Variants in PSMB7 observed in about 807,000 individuals in gnomAD.
PSMB7 encodes the protein proteasome subunit beta type-7.
PSMB7 carries 5 observed loss-of-function variants against 28.1 expected under a neutral mutation model. That is an observed-to-expected ratio of 0.18 (90% CI 0.09 to 0.37). PSMB7 has a LOEUF of 0.37. Ranked by LOEUF, PSMB7 falls within the 10% of genes least tolerant of loss-of-function variation. PSMB7 has a pLI of 1.00. For missense variants in PSMB7, 275 were observed against 346.2 expected (o/e 0.79, Z 1.63); for synonymous variants, 122 against 123.7 (o/e 0.99, Z 0.09).
chr9:124,381,100 C>A (rs1215792639), intron 6 of PSMB7, among the ~76,000 whole-genome samples: 2 of 152,156 alleles, frequency 1.3e-5, no homozygotes, highest in African/African-American at 4.8e-5. Flanking sequence ...CACTTACAGA[C>A]CCTCTCAACT....
chr9:124,387,504 C>A (rs1233543937), intron 5 of PSMB7, among the ~76,000 whole-genome samples: 1 of 150,096 alleles, frequency 6.7e-6, no homozygotes, highest in African/African-American at 2.5e-5. Flanking sequence ...CACACACACT[C>A]TCTCTCTCGA....
intron 7 of PSMB7, among the ~76,000 whole-genome samples, chr9:124,355,884 C>G (rs1237158217): frequency 6.6e-6 from 1 of 152,196 alleles, no homozygotes; most frequent in African/African-American, 2.4e-5. Context: ...ACGTTCCATT[C>G]CTTCCTTGTG....
intron 5 of PSMB7, among the ~76,000 whole-genome samples, chr9:124,388,238 C>T (rs1377528706): frequency 6.6e-6 from 1 of 152,190 alleles, no homozygotes; most frequent in Non-Finnish European, 1.5e-5. Flanking sequence ...GTCTGGTTTC[C>T]CATTAAAGAA....
intron 6 of PSMB7, among the ~76,000 whole-genome samples, chr9:124,376,424 A>G (rs1588572375): frequency 1.3e-5 from 2 of 152,184 alleles, no homozygotes; most frequent in Non-Finnish European, 2.9e-5. Context: ...GAAAAAAATG[A>G]CCTTCCACAG....
intron 5 of PSMB7, among the ~76,000 whole-genome samples, chr9:124,394,466 T>C (rs1314344765): frequency 6.6e-6 from 1 of 152,202 alleles, no homozygotes; most frequent in Non-Finnish European, 1.5e-5. Flanking sequence ...CAAAGAACTT[T>C]AAACTGAGCA....
intron 5 of PSMB7, among the ~76,000 whole-genome samples, chr9:124,389,837 G>A (rs149830424): frequency 7.5e-4 from 114 of 152,278 alleles, no homozygotes; most frequent in Non-Finnish European, 1.2e-3. Flanking sequence ...CCAGGAGAAG[G>A]AGTCCCAAGC....
intron 6 of PSMB7, among the ~76,000 whole-genome samples, chr9:124,357,384 G>A (rs1388963362): frequency 1.3e-5 from 2 of 152,162 alleles, no homozygotes; most frequent in African/African-American, 4.8e-5. Context: ...ACTGACTGCA[G>A]TTTACTAACT....
At chr9:124,406,935 C>T (rs1324225635) in intron 4 of PSMB7, among the ~76,000 whole-genome samples, 2 of 151,884 alleles carry the variant, frequency 1.3e-5, no homozygotes, top group African/African-American at 4.8e-5. Flanking sequence ...TGCACTGAGC[C>T]GAGGTCGCAT....
chr9:124,375,679 A>G (rs185499175), intron 6 of PSMB7, among the ~76,000 whole-genome samples: 2 of 152,360 alleles, frequency 1.3e-5, no homozygotes, highest in East Asian at 3.9e-4. Context: ...AAAACAGATA[A>G]GAAAATCATT....
intron 6 of PSMB7, among the ~76,000 whole-genome samples, chr9:124,360,662 A>G (rs916933013): frequency 6.6e-6 from 1 of 152,196 alleles, no homozygotes; most frequent in African/African-American, 2.4e-5. Context: ...GATCACCATG[A>G]CCCTGACGAT....
intron 5 of PSMB7, among the ~76,000 whole-genome samples, chr9:124,389,013 A>C (rs1305981336): frequency 3.9e-5 from 6 of 152,216 alleles, no homozygotes; most frequent in Non-Finnish European, 7.3e-5. Context: ...AGTGAGGCCA[A>C]CTACCCAAAT....
chr9:124,414,435 T>C (rs373700561), intron 2 of PSMB7, among the ~76,000 whole-genome samples: 1 of 152,110 alleles, frequency 6.6e-6, no homozygotes, highest in Non-Finnish European at 1.5e-5. Flanking sequence ...GCAGGAGTTA[T>C]CTCCATTTGA....
chr9:124,373,612 TA>T (rs1215821520), intron 6 of PSMB7, among the ~76,000 whole-genome samples: 1 of 152,200 alleles, frequency 6.6e-6, no homozygotes, highest in Non-Finnish European at 1.5e-5. Context: ...TTGTCCCATC[TA>T]AACGTTTCCA....
intron 6 of PSMB7, among the ~76,000 whole-genome samples, chr9:124,376,084 A>T (rs1026315109): frequency 6.6e-6 from 1 of 152,236 alleles, no homozygotes; most frequent in African/African-American, 2.4e-5. Flanking sequence ...TCGTTGACAA[A>T]GATTAAAAAG....
intron 6 of PSMB7, among the ~76,000 whole-genome samples, chr9:124,374,523 T>TAATTTTTTTTAAA (rs2131153208): frequency 6.6e-6 from 1 of 152,340 alleles, no homozygotes; most frequent in South Asian, 2.1e-4. Context: ...ACTTTAATAT[T>TAATTTTTTTTAAA]AATTTTTTTT....
In PSMB7 at chr9:124,353,614, G is replaced by T. The variant is rs150128126; in HGVS notation, c.818C>A (p.Thr273Lys). ...TGATGCCATTCAGGAAGTGTCCATT[G>T]TTTGGACTGTTTCTTCCAGCACCTC... Reference protein sequence around the residue: ...EIEVLEETVQTMDTS With the variant: ...EIEVLEETVQKMDTS Residue 273 changes from threonine to lysine, a missense_variant, in exon 8 of 8, where the codon ACA becomes AAA. This residue lies in a region of PSMB7 where 213 missense variants were observed against 302.4 expected (regional missense o/e 0.70). Coordinates refer to ENST00000259457, the MANE Select transcript of PSMB7 (RefSeq NM_002799.4). 56 of 1,612,392 alleles carry T rather than the reference G, an allele frequency of 3.5e-5. No homozygotes were observed. In the African/African-American group the frequency reaches 7.2e-4, roughly 21 times the overall value.
chr9:124,379,055 T>A (rs961794645), intron 6 of PSMB7, among the ~76,000 whole-genome samples: 1 of 152,230 alleles, frequency 6.6e-6, no homozygotes, highest in Admixed American at 6.5e-5. Context: ...ACCTCTCATA[T>A]AACTGACCCC....
At chr9:124,384,792 G>A in intron 5 of PSMB7, 136 bp from the exon 6 acceptor site, 1 of 704,644 alleles carries the variant, frequency 1.4e-6, no homozygotes, top group South Asian at 2.0e-5. Flanking sequence ...TAATTCTACA[G>A]GGCCACATAA....
intron 6 of PSMB7, among the ~76,000 whole-genome samples, chr9:124,361,213 A>C (rs562502683): frequency 6.6e-6 from 1 of 152,384 alleles, no homozygotes; most frequent in Non-Finnish European, 1.5e-5. Flanking sequence ...GATTACAATA[A>C]GAGTGATGTA....
Sources: gnomAD v4.1 joint callset for allele counts (sites outside exome capture counted in the v4.1 genomes callset) on GRCh38, gnomAD v4.1.1 for gene constraint, gnomAD v4.1.1 regional missense constraint, MANE v1.5 for transcripts, NCBI Gene and HGNC (gene_info 2026-07-23, HGNC 2026-07-21) for gene names.